Variants in TBCCD1 observed in about 807,000 individuals in gnomAD.
The protein encoded by TBCCD1 is TBCC domain-containing protein 1.
TBCCD1 carries 26 observed loss-of-function variants against 53.4 expected under a neutral mutation model. The observed-to-expected ratio is 0.49, with a 90% CI of 0.36 to 0.68. TBCCD1 has a LOEUF of 0.68. TBCCD1 is among the 30% of genes least tolerant of loss of function. The pLI is 0.00. For synonymous variants in TBCCD1, 245 were observed against 241.7 expected (o/e 1.01, Z -0.13); for missense variants, 558 against 669.5 (o/e 0.83, Z 1.84).
upstream of TBCCD1, among the ~76,000 whole-genome samples, chr3:186,569,308 T>TA (rs1553849534): frequency 2.7e-5 from 4 of 150,446 alleles, no homozygotes; most frequent in East Asian, 1.9e-4. Context: ...GACTTTTATT[T>TA]TTTATTTATT....
chr3:186,563,208 T>C (rs1054621396), intron 2 of TBCCD1, among the ~76,000 whole-genome samples: 5 of 152,224 alleles, frequency 3.3e-5, no homozygotes, highest in African/African-American at 1.2e-4. Flanking sequence ...GAATGAGAAA[T>C]AAACTGTTAC....
At chr3:186,561,151 A>C (rs1238666168) in intron 2 of TBCCD1, among the ~76,000 whole-genome samples, 1 of 152,202 alleles carries the variant, frequency 6.6e-6, no homozygotes, top group Non-Finnish European at 1.5e-5. Flanking sequence ...CTGCACAACT[A>C]AGGAAACAAT....
At chr3:186,551,651 T>C (rs1413564175) in intron 6 of TBCCD1, among the ~76,000 whole-genome samples, 2 of 152,156 alleles carry the variant, frequency 1.3e-5, no homozygotes, top group Non-Finnish European at 2.9e-5. Flanking sequence ...TCCTGAAGAC[T>C]ATATATTCTA....
chr3:186,547,256 ATTT>A (rs201432633), intron 7 of TBCCD1, among the ~76,000 whole-genome samples: 1 of 143,972 alleles, frequency 6.9e-6, no homozygotes, highest in African/African-American at 2.5e-5. Context: ...CAGATTTGTA[ATTT>A]TTTTTTTTTT....
At chr3:186,547,606 CTTT>C (rs574168560) in intron 7 of TBCCD1, among the ~76,000 whole-genome samples, 20 of 127,146 alleles carry the variant, frequency 1.6e-4, no homozygotes, top group Middle Eastern at 5.0e-3. Flanking sequence ...TTGCTAAATT[CTTT>C]TTTTTTTTTT....
chr3:186,563,776 T>A (rs1047857518), intron 2 of TBCCD1, among the ~76,000 whole-genome samples: 3 of 152,178 alleles, frequency 2.0e-5, no homozygotes, highest in African/African-American at 7.2e-5. Context: ...TAAGAATGGT[T>A]TATTGGGCCA....
intron 7 of TBCCD1, among the ~76,000 whole-genome samples, chr3:186,550,920 T>C (rs1714354361): frequency 6.6e-6 from 1 of 152,236 alleles, no homozygotes; most frequent in Admixed American, 6.5e-5. Flanking sequence ...GCCATTATAT[T>C]GGCCCCAAAT....
rs748094619 is a variant in TBCCD1, at chr3:186,551,198, C to G, written c.1626G>C (p.Leu542=). The G allele has an allele frequency of 7.4e-6, 12 of 1,612,676 alleles. No individual in the cohort carries two copies. In the South Asian group the frequency reaches 1.1e-4, roughly 15 times the overall value. The part of the protein sequence containing the change: ...WLINTGHRQQ[L]DSLVPPAAGS... ...CTGCTGCAGGGGGTACAAGGCTGTC[C>G]AGCTGTTGGCGATGTCCTGTATTAA... Residue 542 remains leucine, a synonymous_variant, in exon 7 of 8, where the codon CTG becomes CTC. Transcript: ENST00000338733.
At chr3:186,561,795 A>T (rs7625541) in intron 2 of TBCCD1, among the ~76,000 whole-genome samples, 3,841 of 152,302 alleles carry the variant, frequency 0.025, 154 homozygotes, top group African/African-American at 0.087. Context: ...TCTCAAAAAA[A>T]AAATAAATAA....
intron 2 of TBCCD1, 59 bp downstream of exon 2, chr3:186,563,935 T>C (rs148790651): frequency 8.7e-6 from 13 of 1,489,280 alleles, no homozygotes; most frequent in Middle Eastern, 1.8e-4. Context: ...ATTTTTTAAT[T>C]TAAAAAAGAA....
chr3:186,570,255 CTG>C, upstream of TBCCD1: 1 of 584,576 alleles, frequency 1.7e-6, no homozygotes, highest in South Asian at 2.0e-5. Context: ...CGTGGAATAA[CTG>C]TTCCCGCTCA....
chr3:186,569,423 A>G (rs1714943885), upstream of TBCCD1, among the ~76,000 whole-genome samples: 1 of 151,832 alleles, frequency 6.6e-6, no homozygotes, highest in Admixed American at 6.6e-5. Flanking sequence ...GGTTCAAGCA[A>G]TTCTCCTGCC....
chr3:186,554,587 C>T lies in TBCCD1; in HGVS notation c.1211G>A (p.Arg404His), dbSNP rs140309382. ...CTGGTTCCCAGAGAGAATAAGTGGG[C>T]GTGTAGGCGTAAGAACGTGAAAGAT... ...GCIFHVLTPT[R>H]PLILSGNQTV... Residue 404 changes from arginine to histidine, a missense_variant, in exon 6 of 8, where the codon CGC (arginine) becomes CAC (histidine). By Grantham distance (29) the Arg-to-His change is conservative (BLOSUM62 0). Transcript: ENST00000338733. 3.7e-5 allele frequency: 60 copies of T among 1,613,962 alleles called. No individual in the cohort carries two copies. The highest frequency in any genetic ancestry group is 4.9e-5 in the Non-Finnish European group (58 of 1,180,004).
At chr3:186,565,938 T>TA (rs1342493945) in intron 1 of TBCCD1, among the ~76,000 whole-genome samples, 2 of 152,196 alleles carry the variant, frequency 1.3e-5, no homozygotes, top group East Asian at 3.8e-4. Flanking sequence ...ATCATTTTTT[T>TA]AAAAATATAA....
At chr3:186,551,874 G>A (rs56387135) in intron 6 of TBCCD1, among the ~76,000 whole-genome samples, 3,116 of 152,234 alleles carry the variant, frequency 0.02, 104 homozygotes, top group African/African-American at 0.071. Flanking sequence ...CTACTCGGGA[G>A]GCTGAGGCAG....
chr3:186,554,829 C>G, intron 5 of TBCCD1, 69 bp downstream of exon 5: 7 of 1,591,454 alleles, frequency 4.4e-6, no homozygotes, highest in Non-Finnish European at 6.0e-6. Flanking sequence ...TATCTGATGG[C>G]AAAAAAAGAA....
At position 186,567,278 on chromosome 3, in the gene TBCCD1, G is replaced by A. The variant is rs1032205204; in HGVS notation, c.-55C>T. ...CAGTGCGCGGTTACCTGCTAATGCA[G>A]GCGCCGCTCCGCCGCACTTCTCCGC... is the stretch of plus-strand genomic sequence containing the variant. On this transcript the variant is annotated 5_prime_UTR_variant, in exon 1 of 8. Coordinates refer to ENST00000338733, the MANE Select transcript of TBCCD1 (RefSeq NM_018138.5). The A allele has an allele frequency of 6.5e-6, 1 of 152,830 alleles. No individual in the cohort carries two copies. The highest frequency in any genetic ancestry group is 2.1e-4 in the South Asian group (1 of 4,850). 9.5% of individuals were successfully genotyped at this position (152,830 alleles called of 1,614,324 possible).
Position 186,556,063 on chromosome 3 carries a change from A to G in TBCCD1, c.859+346T>C, listed in dbSNP as rs80190485. On this transcript the variant is annotated intron_variant, in intron 4 of 7. Coordinates refer to ENST00000338733, the MANE Select transcript of TBCCD1 (RefSeq NM_018138.5). ...CACCGCTGAAATACTGGGAGGTCAC[A>G]TGAGTATGCTATTATTCTTCTTCTT... 8.4e-4 allele frequency among the ~76,000 whole-genome samples: 128 copies of G among 152,280 alleles called. 2 individuals carry two copies. The highest frequency in any genetic ancestry group is 6.1e-3 in the Admixed American group (93 of 15,294).
chr3:186,558,627 T>G, intron 2 of TBCCD1, 55 bp from the exon 3 acceptor site: 1 of 1,571,282 alleles, frequency 6.4e-7, no homozygotes, highest in African/African-American at 1.4e-5. Context: ...CAACCACTAG[T>G]CTAACAACTA....
Sources: gnomAD v4.1 joint callset for allele counts (sites outside exome capture counted in the v4.1 genomes callset) on GRCh38, gnomAD v4.1.1 for gene constraint, MANE v1.5 for transcripts, NCBI Gene and HGNC (gene_info 2026-07-23, HGNC 2026-07-21) for gene names.